The following KIAA1671 variants were observed in gnomAD, a reference collection of about 807,000 sequenced individuals.
KIAA1671 encodes the protein KIAA1671.
Under a neutral mutation model 131.2 loss-of-function variants are expected in KIAA1671, and 52 were observed. The observed-to-expected ratio is 0.40, with a 90% CI of 0.32 to 0.50. The LOEUF is 0.50. KIAA1671 is among the 20% of genes least tolerant of loss of function. The pLI, the probability that KIAA1671 is intolerant of heterozygous loss-of-function variation, is 0.73. For synonymous variants in KIAA1671, 1,003 were observed against 961.6 expected, an observed-to-expected ratio of 1.04 and a Z score of -0.80; for missense variants, 2,360 against 2,364.2, an observed-to-expected ratio of 1.00 and a Z score of 0.04.
At chr22:25,092,321 G>T (rs775781565) in intron 6 of KIAA1671, among the ~76,000 whole-genome samples, 1 of 152,168 alleles carries the variant, frequency 6.6e-6, no homozygotes, top group Non-Finnish European at 1.5e-5. Context: ...TGCAGGCAGA[G>T]GGAACAGCAC....
At chr22:24,992,547 G>A (rs950301190) in intron 1 of KIAA1671, among the ~76,000 whole-genome samples, 2 of 152,108 alleles carry the variant, frequency 1.3e-5, no homozygotes, top group African/African-American at 4.8e-5. Flanking sequence ...AGGCGTGGTG[G>A]CTCACTCCTG....
At chr22:24,969,093 A>C (rs1230499594) in intron 1 of KIAA1671, among the ~76,000 whole-genome samples, 2 of 151,638 alleles carry the variant, frequency 1.3e-5, no homozygotes, top group Non-Finnish European at 2.9e-5. Context: ...CAGAGACAGA[A>C]TCTCCCATTG....
At chr22:25,026,961 G>A (rs947123441) in intron 2 of KIAA1671, among the ~76,000 whole-genome samples, 2,517 of 152,242 alleles carry the variant, frequency 0.017, 69 homozygotes, top group African/African-American at 0.057. Context: ...AGAGGCTTAT[G>A]CCCCAAGCTA....
intron 6 of KIAA1671, chr22:25,112,587 C>CA (rs1931424785): frequency 2.5e-6 from 1 of 394,152 alleles, no homozygotes; most frequent in African/African-American, 2.1e-5. Flanking sequence ...AGTTGTCAGT[C>CA]AAAGCCCAGG....
At chr22:25,003,349 C>T (rs1384923538) in intron 1 of KIAA1671, among the ~76,000 whole-genome samples, 2 of 150,834 alleles carry the variant, frequency 1.3e-5, no homozygotes, top group African/African-American at 4.9e-5. Flanking sequence ...CTTACAACTA[C>T]ACAAAAAAGA....
chr22:25,183,467 TTC>T, intron 10 of KIAA1671, among the ~76,000 whole-genome samples: 2 of 96,448 alleles, frequency 2.1e-5, no homozygotes, highest in African/African-American at 7.8e-5. Context: ...CCTCCCTCTC[TTC>T]CTTCCTTCCT....
At chr22:24,965,842 C>T (rs1396958854) in intron 1 of KIAA1671, among the ~76,000 whole-genome samples, 1 of 151,808 alleles carries the variant, frequency 6.6e-6, no homozygotes, top group Non-Finnish European at 1.5e-5. Flanking sequence ...TGTAAATCTT[C>T]CTTGCTTGTT....
At chr22:25,086,622 C>T (rs1568947130) in intron 6 of KIAA1671, among the ~76,000 whole-genome samples, 1 of 152,158 alleles carries the variant, frequency 6.6e-6, no homozygotes, top group Non-Finnish European at 1.5e-5. Context: ...GGGTGGACCT[C>T]GCCCATCTCC....
intron 1 of KIAA1671, among the ~76,000 whole-genome samples, chr22:25,003,950 TG>T (rs557673372): frequency 2.4e-4 from 36 of 151,796 alleles, no homozygotes; most frequent in African/African-American, 8.0e-4. Flanking sequence ...CCTGAGTAGC[TG>T]GGATTACAGG....
chr22:25,159,191 CG>C (rs1414976433), intron 6 of KIAA1671, among the ~76,000 whole-genome samples: 1 of 152,114 alleles, frequency 6.6e-6, no homozygotes, highest in Non-Finnish European at 1.5e-5. Context: ...CACTCCCAGC[CG>C]GGAAACCAAA....
rs1444451211 is a variant in KIAA1671, at chr22:25,040,392, T to C, written c.3262T>C (p.Trp1088Arg). Residue 1088 changes from tryptophan to arginine, a missense_variant, in exon 5 of 13, where the codon TGG (tryptophan) becomes CGG (arginine). By Grantham distance (101) the Trp-to-Arg change is moderately radical. Around this residue, in one of 3 missense-constraint regions of KIAA1671, gnomAD observed 1,161 missense variants for 1,204.7 expected, o/e 0.96. Transcript: ENST00000358431. ...ATTGGAGATGGCAGGCAGTAAAAACTGGATGAAGGGACGAGAGCATGAAAA... is the reference window on the plus strand; with the variant it reads ...ATTGGAGATGGCAGGCAGTAAAAACCGGATGAAGGGACGAGAGCATGAAAA... ...EALEMAGSKNWMKGREHENAS... is the reference protein window; with the variant it reads ...EALEMAGSKNRMKGREHENAS... 11 of 1,551,894 alleles carry C rather than the reference T, an allele frequency of 7.1e-6. No homozygotes were observed. The highest frequency in any genetic ancestry group is 1.7e-4 in the Middle Eastern group (1 of 5,992).
At chr22:25,009,330 TC>T (rs1924907665) in intron 1 of KIAA1671, among the ~76,000 whole-genome samples, 2 of 136,364 alleles carry the variant, frequency 1.5e-5, no homozygotes, top group African/African-American at 5.4e-5. Context: ...AGTGGAGCAA[TC>T]TTGGCTCACT....
intron 1 of KIAA1671, among the ~76,000 whole-genome samples, chr22:24,994,410 C>T (rs1924001068): frequency 6.6e-6 from 1 of 152,150 alleles, no homozygotes; most frequent in Non-Finnish European, 1.5e-5. Flanking sequence ...TGCTGGGGAC[C>T]TCTGGGAGCC....
chr22:25,046,937 C>T (rs943540225), intron 5 of KIAA1671, among the ~76,000 whole-genome samples: 2 of 150,800 alleles, frequency 1.3e-5, no homozygotes, highest in Non-Finnish European at 2.9e-5. Flanking sequence ...ACAGATTTTC[C>T]ACCTTTCTGT....
chr22:25,027,224 G>A (rs1375554139), intron 2 of KIAA1671, among the ~76,000 whole-genome samples: 1 of 151,628 alleles, frequency 6.6e-6, no homozygotes, highest in Non-Finnish European at 1.5e-5. Flanking sequence ...TCTTTTTATG[G>A]CATCTGGAAG....
At chr22:25,023,571 A>T (rs1319798502) in intron 1 of KIAA1671, 6 of 152,316 alleles carry the variant, frequency 3.9e-5, no homozygotes, top group African/African-American at 1.4e-4. Flanking sequence ...ATTTTACAGC[A>T]GGTTAAATGA....
intron 1 of KIAA1671, among the ~76,000 whole-genome samples, chr22:24,967,168 C>T (rs1279653023): frequency 6.6e-6 from 1 of 152,140 alleles, no homozygotes; most frequent in Non-Finnish European, 1.5e-5. Context: ...TTTTAAAAGA[C>T]AGGGCCTAGA....
At chr22:25,010,007 A>C (rs907809350) in intron 1 of KIAA1671, 2 of 152,220 alleles carry the variant, frequency 1.3e-5, no homozygotes, top group Admixed American at 6.5e-5. Context: ...GTGAAACAGG[A>C]CATGATTCGA....
chr22:24,974,876 T>C (rs1322747866), intron 1 of KIAA1671, among the ~76,000 whole-genome samples: 1 of 152,058 alleles, frequency 6.6e-6, no homozygotes, highest in African/African-American at 2.4e-5. Context: ...GTATTTTTAG[T>C]AGAGGTGGAG....
Sources: allele counts gnomAD v4.1 joint callset (sites outside exome capture counted in the v4.1 genomes callset), GRCh38; gene constraint gnomAD v4.1.1; regional missense constraint gnomAD v4.1.1; transcripts MANE v1.5; gene names NCBI Gene and HGNC (gene_info 2026-07-23, HGNC 2026-07-21).